The following CD99 variants were observed in gnomAD, a reference collection of about 807,000 sequenced individuals.
CD99 encodes the protein CD99 antigen.
Under a neutral mutation model 28.4 loss-of-function variants are expected in CD99, and 19 were observed. The ratio of observed to expected loss-of-function variants is 0.67; its 90% CI spans 0.47 to 0.98. The LOEUF is 0.98. CD99 is among the 50% of genes least tolerant of loss of function. The probability of loss-of-function intolerance (pLI) is 0.00; values close to 1 mark genes in which losing one functional copy is unlikely to be tolerated. For synonymous variants in CD99, 103 were observed against 92.1 expected (o/e 1.12, Z -0.67); for missense variants, 283 against 248.8 (o/e 1.14, Z -0.92).
chrX:2,707,892 G>T (rs922275799), intron 1 of CD99, among the ~76,000 whole-genome samples: 1 of 152,168 alleles, frequency 6.6e-6, no homozygotes, highest in African/African-American at 2.4e-5. Context: ...GGTGTCTGCT[G>T]TGAGCCCGCA....
At chrX:2,696,479 C>T (rs2047580308) in intron 1 of CD99, among the ~76,000 whole-genome samples, 2 of 152,174 alleles carry the variant, frequency 1.3e-5, no homozygotes, top group South Asian at 4.1e-4. Flanking sequence ...CGGCTCACTG[C>T]AACCTCTGCC....
At chrX:2,727,114 G>C (rs1472173659) in intron 8 of CD99, among the ~76,000 whole-genome samples, 6 of 152,192 alleles carry the variant, frequency 3.9e-5, no homozygotes, top group Admixed American at 6.5e-5. Context: ...TCCAGCCTGG[G>C]CGACAGAGTG....
chrX:2,713,868 G>GT (rs2048562181), intron 1 of CD99, among the ~76,000 whole-genome samples: 1 of 152,186 alleles, frequency 6.6e-6, no homozygotes, highest in Admixed American at 6.5e-5. Context: ...GGCCAGCCAC[G>GT]TTGAAGTAGC....
intron 1 of CD99, among the ~76,000 whole-genome samples, chrX:2,703,960 C>G (rs2048002311): frequency 6.6e-6 from 1 of 152,050 alleles, no homozygotes; most frequent in Admixed American, 6.6e-5. Flanking sequence ...GCAGCCCTGC[C>G]TTGCTGTTGT....
intron 1 of CD99, among the ~76,000 whole-genome samples, chrX:2,709,475 G>T (rs758029203): frequency 1.3e-5 from 2 of 152,320 alleles, no homozygotes; most frequent in South Asian, 4.1e-4. Flanking sequence ...ATATACACAT[G>T]CAAACAGGTG....
intron 1 of CD99, among the ~76,000 whole-genome samples, chrX:2,712,619 C>T (rs1185441533): frequency 9.9e-5 from 15 of 152,016 alleles, no homozygotes; most frequent in Non-Finnish European, 1.6e-4. Flanking sequence ...TGATGTCTGG[C>T]AAGTGTCCTG....
At chrX:2,697,950 T>C (rs1320495398) in intron 1 of CD99, among the ~76,000 whole-genome samples, 1 of 151,642 alleles carries the variant, frequency 6.6e-6, no homozygotes. Context: ...TGAACATCTG[T>C]CTTTTGAGAC....
At chrX:2,729,371 G>C (rs1454757876) in intron 8 of CD99, among the ~76,000 whole-genome samples, 1 of 152,150 alleles carries the variant, frequency 6.6e-6, no homozygotes, top group Non-Finnish European at 1.5e-5. Flanking sequence ...CCTAAGACTG[G>C]ATAATTCATG....
chrX:2,704,008 A>C (rs958388028), intron 1 of CD99, among the ~76,000 whole-genome samples: 1 of 152,096 alleles, frequency 6.6e-6, no homozygotes, highest in Non-Finnish European at 1.5e-5. Flanking sequence ...GTCCTTCAGC[A>C]TCACCCTGGA....
intron 7 of CD99, among the ~76,000 whole-genome samples, chrX:2,724,753 A>T (rs2049183557): frequency 6.6e-6 from 1 of 151,998 alleles, no homozygotes. Flanking sequence ...AAAAATACAA[A>T]AATTAGCTGG....
At chrX:2,696,093 C>T (rs975484198) in intron 1 of CD99, among the ~76,000 whole-genome samples, 3 of 152,220 alleles carry the variant, frequency 2.0e-5, no homozygotes, top group Admixed American at 6.5e-5. Flanking sequence ...ATTCTAGCTG[C>T]TCTAGTACCC....
chrX:2,702,314 A>AC (rs1438182570), intron 1 of CD99, among the ~76,000 whole-genome samples: 1 of 151,350 alleles, frequency 6.6e-6, no homozygotes, highest in Non-Finnish European at 1.5e-5. Flanking sequence ...AAATTCTGTG[A>AC]CCCCCTACCC....
intron 1 of CD99, among the ~76,000 whole-genome samples, chrX:2,696,215 A>G (rs1212819934): frequency 6.6e-6 from 1 of 152,172 alleles, no homozygotes; most frequent in Non-Finnish European, 1.5e-5. Context: ...AAGCTTGTTC[A>G]TTCTGAGTCC....
chrX:2,713,236 ACACACCTACACACTGTG>A (rs2048521607), intron 1 of CD99, among the ~76,000 whole-genome samples: 1 of 151,990 alleles, frequency 6.6e-6, no homozygotes, highest in Admixed American at 6.6e-5. Flanking sequence ...GCACACAGAA[ACACACCTACACACTGTG>A]CACACCTACA....
At chrX:2,691,756 G>T (rs753078912) in intron 1 of CD99, 1 of 750,492 alleles carries the variant, frequency 1.3e-6, no homozygotes, top group Admixed American at 1.8e-5. Flanking sequence ...CTTTGCATGA[G>T]CCCCTCACCC....
At chrX:2,704,922 C>T (rs1213193269) in intron 1 of CD99, among the ~76,000 whole-genome samples, 1 of 152,130 alleles carries the variant, frequency 6.6e-6, no homozygotes, top group African/African-American at 2.4e-5. Context: ...ATCATGTTGC[C>T]CAGGCTGCTG....
intron 1 of CD99, among the ~76,000 whole-genome samples, chrX:2,699,460 G>A (rs927883099): frequency 4.9e-5 from 7 of 143,452 alleles, no homozygotes; most frequent in Non-Finnish European, 1.1e-4. Flanking sequence ...GAGCCACCGC[G>A]CCCAGCCTTT....
chrX:2,709,380 TCA>T (rs1160583392), intron 1 of CD99, among the ~76,000 whole-genome samples: 1 of 152,096 alleles, frequency 6.6e-6, no homozygotes, highest in Non-Finnish European at 1.5e-5. Flanking sequence ...GATAGCACCC[TCA>T]CACATATGCA....
chrX:2,740,495 T>G (rs1248907337), intron 9 of CD99, among the ~76,000 whole-genome samples: 4 of 152,162 alleles, frequency 2.6e-5, no homozygotes, highest in Admixed American at 2.6e-4. Flanking sequence ...ATTTGGTAAG[T>G]TATAGGCATT....
Sources: allele counts gnomAD v4.1 joint callset (sites outside exome capture counted in the v4.1 genomes callset), GRCh38; gene constraint gnomAD v4.1.1; transcripts MANE v1.5; gene names NCBI Gene and HGNC (gene_info 2026-07-23, HGNC 2026-07-21).